The following ACOX1 variants were observed in gnomAD, a reference collection of about 807,000 sequenced individuals.
The protein encoded by ACOX1 is acyl-CoA oxidase 1, also known as peroxisomal acyl-coenzyme A oxidase 1.
A neutral mutation model predicts 75.5 loss-of-function variants in ACOX1; 41 were observed. The ratio of observed to expected loss-of-function variants is 0.54; its 90% CI spans 0.42 to 0.70. ACOX1 has a LOEUF of 0.70. Ranked by LOEUF, ACOX1 falls within the 30% of genes least tolerant of loss-of-function variation. The pLI is 0.00. For synonymous variants in ACOX1, 303 were observed against 298.8 expected (o/e 1.01, Z -0.15); for missense variants, 630 against 837.5 (o/e 0.75, Z 3.06).
At position 75,977,864 on chromosome 17, in the gene ACOX1, T is replaced by G. The variant is rs1598205436; in HGVS notation, c.269+670A>C. 3.3e-5 allele frequency among the ~76,000 whole-genome samples: 5 copies of G among 152,202 alleles called. No homozygotes were observed. The South Asian group carries it at 1.0e-3, about 32-fold the overall frequency. On this transcript the variant is annotated intron_variant, in intron 2 of 13. Coordinates refer to ENST00000293217, the MANE Select transcript of ACOX1 (RefSeq NM_004035.7). ...AAAAAAAATGCTCCCAGATTCAGAA[T>G]TTTAGCAGTCCTCCTTACAAAGAGC...
intron 4 of ACOX1, 82 bp from the exon 5 acceptor site, chr17:75,956,029 TTAAATC>T (rs2065821663): frequency 6.3e-7 from 1 of 1,582,960 alleles, no homozygotes. Flanking sequence ...AAAGAATATG[TTAAATC>T]TAACACTAGA....
intron 3 of ACOX1, 102 bp from the exon 4 acceptor site, chr17:75,957,668 A>G (rs1290338420): frequency 3.5e-6 from 3 of 853,002 alleles, no homozygotes; most frequent in Non-Finnish European, 1.9e-6. Context: ...TATCTCAGAG[A>G]AAAACAAAAT....
Position 75,955,334 on chromosome 17 carries a change from T to G in ACOX1, c.774+232A>C, listed in dbSNP as rs546406874. ...TGTGCCACCATACCCAGCTAGATTT[T>G]TTTACTTTTTGTAGAGATGGGTTCT... On this transcript the variant is annotated intron_variant, in intron 6 of 13. Coordinates refer to ENST00000293217, the MANE Select transcript of ACOX1 (RefSeq NM_004035.7). Among the ~76,000 whole-genome samples the G allele has an allele frequency of 6.7e-4, 102 of 152,222 alleles. No individual in the cohort carries two copies. In the South Asian group the frequency reaches 0.012, roughly 17 times the overall value.
At chr17:75,967,589 A>T (rs1015875372) in intron 2 of ACOX1, among the ~76,000 whole-genome samples, 2 of 146,906 alleles carry the variant, frequency 1.4e-5, no homozygotes, top group African/African-American at 4.9e-5. Flanking sequence ...AAAATAATTT[A>T]AAAAATCGAA....
In ACOX1 at chr17:75,942,652, ACTC is replaced by A. The variant is rs1216888122; in HGVS notation, c.*4093_*4095del. ...GGTCTCAGGTCATCAGTTTCCTGGC[ACTC>A]CTCCTCTCTCTAGCTGTAGTAGCAG... is the stretch of plus-strand genomic sequence containing the variant. On this transcript the variant is annotated 3_prime_UTR_variant, in exon 14 of 14. Coordinates refer to ENST00000293217, the MANE Select transcript of ACOX1 (RefSeq NM_004035.7). 1 of 151,670 alleles carries A rather than the reference ACTC, an allele frequency of 6.6e-6. No individual in the cohort carries two copies. Among genetic ancestry groups the A allele is most frequent in the Non-Finnish European group, 1.5e-5 (1 of 67,982 alleles). 9.4% of individuals were successfully genotyped at this position (151,670 alleles called of 1,614,324 possible).
chr17:75,966,855 A>C (rs2065937448), intron 2 of ACOX1, among the ~76,000 whole-genome samples: 1 of 152,128 alleles, frequency 6.6e-6, no homozygotes, highest in African/African-American at 2.4e-5. Flanking sequence ...AAAAACAAAG[A>C]AAGAAATAAA....
chr17:75,948,411 A>G lies in ACOX1; in HGVS notation c.1775T>C (p.Val592Ala). Reference sequence around the variant, plus strand: ...GCGAATCAGAGTGAGTAACTCCTTTACACGCTGGTTTACTTGTGTAATCTG... The same window carrying G: ...GCGAATCAGAGTGAGTAACTCCTTTGCACGCTGGTTTACTTGTGTAATCTG... ...EPQITQVNQRVKELLTLIRSD... is the reference protein window; with the variant it reads ...EPQITQVNQRAKELLTLIRSD... The change falls in exon 13 of 14, where the codon GTA becomes GCA. Residue 592 changes from valine (V) to alanine (A), a missense_variant. Physicochemically the swap from Val to Ala is moderately conservative, Grantham distance 64. This residue lies in a region of ACOX1 where 240 missense variants were observed against 262.7 expected (regional missense o/e 0.91). Transcript: ENST00000293217. 1 of 1,614,196 alleles carries G rather than the reference A, an allele frequency of 6.2e-7. No homozygotes were observed. The highest frequency in any genetic ancestry group is 8.5e-7 in the Non-Finnish European group (1 of 1,180,036).
intron 13 of ACOX1, 39 bp from the exon 14 acceptor site, chr17:75,946,834 T>C (rs1400155755): frequency 6.3e-7 from 1 of 1,590,414 alleles, no homozygotes. Flanking sequence ...TAATAAAGAG[T>C]TTGCCATGTT....
At chr17:75,961,329 G>A (rs186714721) in intron 2 of ACOX1, among the ~76,000 whole-genome samples, 47 of 150,316 alleles carry the variant, frequency 3.1e-4, no homozygotes, top group Admixed American at 2.1e-3. Context: ...AATTTGAAAA[G>A]TTGTATAGGG....
In ACOX1 at chr17:75,949,513, G is replaced by C. The variant is rs745520282; in HGVS notation, c.1566C>G (p.Asp522Glu). 1.2e-6 allele frequency: 2 copies of C among 1,614,194 alleles called. No individual in the cohort carries two copies. Among genetic ancestry groups the C allele is most frequent in the Non-Finnish European group, 1.7e-6 (2 of 1,180,010 alleles). Residue 522 changes from aspartate (D) to glutamate (E), a missense_variant, in exon 11 of 14, where the codon GAC (aspartate) becomes GAG (glutamate). Coordinates refer to ENST00000293217, the MANE Select transcript of ACOX1 (RefSeq NM_004035.7). Reference sequence around the variant, plus strand: ...CACTGACCTCACTTGCTCGAACAAGGTCAACAGAAGTTAGGTTCCAAGCTA... The same window carrying C: ...CACTGACCTCACTTGCTCGAACAAGCTCAACAGAAGTTAGGTTCCAAGCTA... ...KEVAWNLTSV[D>E]LVRASEAHCH...
Position 75,960,184 on chromosome 17 carries a change from C to A in ACOX1, c.430+31G>T, listed in dbSNP as rs2065874490. The A allele has an allele frequency of 1.2e-6, 2 of 1,613,588 alleles. No homozygotes were observed. The highest frequency in any genetic ancestry group is 1.3e-5 in the African/African-American group (1 of 75,030). ...CATGGTAAGCTCACAGGGGCCCGCC[C>A]AACCCAGAAGGTAGACTGAATACTC... On this transcript the variant is annotated intron_variant, in intron 3 of 13. Transcript: ENST00000293217. This position sits in a 1 kb window ranked among gnomAD's most constrained non-coding sequence, Gnocchi z 4.4.
At chr17:75,957,093 G>A (rs545018042) in intron 4 of ACOX1, among the ~76,000 whole-genome samples, 1 of 147,732 alleles carries the variant, frequency 6.8e-6, no homozygotes, top group Non-Finnish European at 1.5e-5. Flanking sequence ...TTTGTTTGTT[G>A]GGTTGTTTTT....
At chr17:75,968,192 T>C (rs1239126856) in intron 2 of ACOX1, among the ~76,000 whole-genome samples, 2 of 150,552 alleles carry the variant, frequency 1.3e-5, no homozygotes, top group Non-Finnish European at 3.0e-5. Flanking sequence ...ATCCCAGCAC[T>C]TTGGGAGGCC....
intron 2 of ACOX1, among the ~76,000 whole-genome samples, chr17:75,976,400 C>T (rs532000094): frequency 1.3e-5 from 2 of 152,036 alleles, no homozygotes; most frequent in Non-Finnish European, 2.9e-5. Context: ...ACTGCACCAC[C>T]CATTCAAACA....
In ACOX1 at chr17:75,945,054, AG is replaced by A. The variant is rs996542785; in HGVS notation, c.*1693del. 1.3e-5 allele frequency: 2 copies of A among 152,080 alleles called. No individual in the cohort carries two copies. Among genetic ancestry groups the A allele is most frequent in the African/African-American group, 4.8e-5 (2 of 41,402 alleles). 9.4% of individuals were successfully genotyped at this position (152,080 alleles called of 1,614,324 possible). On this transcript the variant is annotated 3_prime_UTR_variant, in exon 14 of 14. Transcript: ENST00000293217. ...AGCCACCACGCCTGGCCCCAGATTTAGATTTTAAATAAAACGTGAGGTACTG... is the reference window on the plus strand; with the variant it reads ...AGCCACCACGCCTGGCCCCAGATTTAATTTTAAATAAAACGTGAGGTACTG...
intron 2 of ACOX1, among the ~76,000 whole-genome samples, chr17:75,966,136 G>GA (rs199647346): frequency 0.031 from 4,582 of 146,938 alleles, 74 homozygotes; most frequent in Middle Eastern, 0.051. Flanking sequence ...TCTCGAAAAA[G>GA]AAAAAAAATA....
chr17:75,966,517 G>C (rs1243809513), intron 2 of ACOX1, among the ~76,000 whole-genome samples: 1 of 146,394 alleles, frequency 6.8e-6, no homozygotes, highest in Admixed American at 6.9e-5. Flanking sequence ...AGAGTAAAAA[G>C]TCTTGGCTGG....
At chr17:75,971,121 G>C (rs545985758) in intron 2 of ACOX1, among the ~76,000 whole-genome samples, 1 of 151,636 alleles carries the variant, frequency 6.6e-6, no homozygotes, top group East Asian at 2.0e-4. Flanking sequence ...GAGAAACCCC[G>C]TCTCTACTGA....
intron 2 of ACOX1, chr17:75,973,386 T>A (rs1204255279): frequency 3.6e-6 from 2 of 553,828 alleles, no homozygotes; most frequent in Non-Finnish European, 6.5e-6. Context: ...AACCCCATCT[T>A]TTCAAGCTGT....
Sources: gnomAD v4.1 joint callset for allele counts (sites outside exome capture counted in the v4.1 genomes callset) on GRCh38, gnomAD v4.1.1 for gene constraint, gnomAD v4.1.1 regional missense constraint, Gnocchi (gnomAD v3.1) non-coding constraint, MANE v1.5 for transcripts, NCBI Gene and HGNC (gene_info 2026-07-23, HGNC 2026-07-21) for gene names.